The following NTRK3 variants were observed in gnomAD, a reference collection of about 807,000 sequenced individuals.
NTRK3 encodes NT-3 growth factor receptor.
In NTRK3, 24 loss-of-function variants were observed where a neutral mutation model predicts 91.7. The ratio of observed to expected loss-of-function variants is 0.26; its 90% CI spans 0.19 to 0.37. The LOEUF (loss-of-function observed/expected upper bound fraction) is 0.37, where lower values mean the gene tolerates loss of function less well. Ranked by LOEUF, NTRK3 falls within the 10% of genes least tolerant of loss-of-function variation. The pLI is 1.00. For missense variants in NTRK3, 880 were observed against 1,068.9 expected, an observed-to-expected ratio of 0.82 and a Z score of 2.46; for synonymous variants, 483 against 404.0, an observed-to-expected ratio of 1.20 and a Z score of -2.34.
intron 14 of NTRK3, among the ~76,000 whole-genome samples, chr15:87,961,544 T>C (rs2072289847): frequency 6.6e-6 from 1 of 152,252 alleles, no homozygotes; most frequent in Non-Finnish European, 1.5e-5. Flanking sequence ...GGTTTGCCGA[T>C]TGGCATACCA....
intron 14 of NTRK3, chr15:87,977,824 C>T (rs2073859961): frequency 4.3e-6 from 1 of 232,530 alleles, no homozygotes; most frequent in South Asian, 1.8e-4. Flanking sequence ...GGGATCCTGA[C>T]ACGAAGAACC....
intron 13 of NTRK3, among the ~76,000 whole-genome samples, chr15:88,056,027 T>C (rs1030453603): frequency 6.6e-6 from 1 of 151,914 alleles, no homozygotes; most frequent in East Asian, 1.9e-4. Context: ...GCATGACTTG[T>C]GGGCAAACTG....
In NTRK3 at chr15:88,029,535, T is replaced by C. The variant is rs572032503; in HGVS notation, c.1585+3322A>G. ...ATCCATCACTGGGGGGATGGGGAAA[T>C]AAGGGGTGAAGTCAGGTAGCATTAT... On this transcript the variant is annotated intron_variant, in intron 14 of 18. Coordinates refer to ENST00000394480, the Ensembl canonical transcript of NTRK3. Among the ~76,000 whole-genome samples the C allele has an allele frequency of 1.3e-4, 20 of 152,228 alleles. No homozygotes were observed. The South Asian group carries it at 3.7e-3, about 28-fold the overall frequency.
intron 14 of NTRK3, among the ~76,000 whole-genome samples, chr15:87,966,053 GGAT>G (rs2072761223): frequency 6.6e-6 from 1 of 151,450 alleles, no homozygotes; most frequent in Non-Finnish European, 1.5e-5. Flanking sequence ...ATTCCAGCCT[GGAT>G]GATAGAGCAA....
In NTRK3 at chr15:87,904,637, T is replaced by C. The variant is rs139035349; in HGVS notation, c.2134-24209A>G. ...CCCTTGCAGACTTGTGTCTAAGGCA[T>C]GGGTATTATTCTTTTAAGCTTCAGC... On this transcript the variant is annotated intron_variant, in intron 17 of 18. Coordinates refer to ENST00000394480, the Ensembl canonical transcript of NTRK3. Among the ~76,000 whole-genome samples, 1,194 of 152,312 alleles carry C rather than the reference T, an allele frequency of 7.8e-3. 26 individuals carry two copies. The highest frequency in any genetic ancestry group is 0.053 in the Admixed American group (810 of 15,308).
chr15:88,181,837 C>A (rs2046492749), intron 5 of NTRK3, among the ~76,000 whole-genome samples: 1 of 152,216 alleles, frequency 6.6e-6, no homozygotes, highest in South Asian at 2.1e-4. Context: ...TTGGAGGGGA[C>A]ACGTGACCCC....
At chr15:87,933,283 C>T in intron 15 of NTRK3, 99 bp from the exon 16 acceptor site, 1 of 1,133,708 alleles carries the variant, frequency 8.8e-7, no homozygotes, top group Admixed American at 2.1e-5. Flanking sequence ...CACTGGGTTA[C>T]CAATAAATAT....
intron 13 of NTRK3, among the ~76,000 whole-genome samples, chr15:88,093,419 T>G (rs986357527): frequency 9.9e-5 from 15 of 152,164 alleles, no homozygotes; most frequent in Non-Finnish European, 1.8e-4. Flanking sequence ...ACATTTACAG[T>G]AGACCTGCTA....
intron 6 of NTRK3, 37 bp downstream of exon 6, chr15:88,147,298 A>G: frequency 6.3e-7 from 1 of 1,586,810 alleles, no homozygotes; most frequent in Non-Finnish European, 8.7e-7. Flanking sequence ...CATTACCAGC[A>G]CTTCAGTACC....
intron 3 of NTRK3, among the ~76,000 whole-genome samples, chr15:88,205,609 A>G (rs550624952): frequency 1.1e-4 from 17 of 152,176 alleles, no homozygotes; most frequent in East Asian, 5.8e-4. Context: ...AGGTAACCCA[A>G]CTGCACACAG....
At chr15:88,089,333 T>C (rs2048797765) in intron 13 of NTRK3, among the ~76,000 whole-genome samples, 2 of 152,124 alleles carry the variant, frequency 1.3e-5, no homozygotes, top group South Asian at 4.1e-4. Context: ...ACCCAACCAT[T>C]CCATTTCTAG....
intron 13 of NTRK3, among the ~76,000 whole-genome samples, chr15:88,115,478 G>A (rs762271601): frequency 2.0e-5 from 3 of 152,198 alleles, no homozygotes; most frequent in Non-Finnish European, 4.4e-5. Flanking sequence ...GGCAGTTCCT[G>A]GAACCACCCG....
At chr15:88,170,380 G>T (rs1207192702) in intron 5 of NTRK3, among the ~76,000 whole-genome samples, 2 of 152,256 alleles carry the variant, frequency 1.3e-5, no homozygotes, top group East Asian at 3.9e-4. Context: ...AACCCAAGAG[G>T]ATAAAGTCCT....
At chr15:88,112,471 G>A (rs2051516188) in intron 13 of NTRK3, among the ~76,000 whole-genome samples, 1 of 152,190 alleles carries the variant, frequency 6.6e-6, no homozygotes, top group Non-Finnish European at 1.5e-5. Flanking sequence ...TGTGGTTGAA[G>A]GTCAGGAAGG....
Position 87,859,820 on chromosome 15 carries a change from C to A in NTRK3, c.*17115G>T, listed in dbSNP as rs142166628. ...TGTCAGGAGGATACAGGTCTACACACGATTTCATCAATCAATAAATGGAGT... is the reference window on the plus strand; with the variant it reads ...TGTCAGGAGGATACAGGTCTACACAAGATTTCATCAATCAATAAATGGAGT... On this transcript the variant is annotated 3_prime_UTR_variant, in exon 19 of 19. Coordinates refer to ENST00000394480, the Ensembl canonical transcript of NTRK3. The A allele has an allele frequency of 6.1e-4, 109 of 178,528 alleles. 1 individual carries two copies. The East Asian group carries it at 7.9e-3, about 13-fold the overall frequency. The allele number at this position is 178,528 out of a possible 1,614,324, so 11.1% of individuals were successfully genotyped here.
chr15:88,098,229 T>G (rs1217662904), intron 13 of NTRK3, among the ~76,000 whole-genome samples: 1 of 151,960 alleles, frequency 6.6e-6, no homozygotes, highest in Non-Finnish European at 1.5e-5. Flanking sequence ...ACCACGGAAG[T>G]GATATCTTTT....
In NTRK3 at chr15:88,013,940, T is replaced by C. The variant is rs142149166; in HGVS notation, c.1585+18917A>G. ...ACTTAGGCGATACAGTGAGACCCTG[T>C]CTCAATTTTTTTAAAAAAAGACTTA... On this transcript the variant is annotated intron_variant, in intron 14 of 18. Coordinates refer to ENST00000394480, the Ensembl canonical transcript of NTRK3. Among the ~76,000 whole-genome samples, 360 of 152,254 alleles carry C rather than the reference T, an allele frequency of 2.4e-3. 2 individuals carry two copies. The highest frequency in any genetic ancestry group is 8.3e-3 in the African/African-American group (345 of 41,544).
At chr15:88,108,143 C>G (rs372053096) in intron 13 of NTRK3, among the ~76,000 whole-genome samples, 44 of 152,192 alleles carry the variant, frequency 2.9e-4, no homozygotes, top group African/African-American at 1.0e-3. Flanking sequence ...ATGCCATTCT[C>G]TTAAGAAAAC....
intron 13 of NTRK3, among the ~76,000 whole-genome samples, chr15:88,123,077 G>T (rs150632452): frequency 1.3e-5 from 2 of 152,152 alleles, no homozygotes; most frequent in South Asian, 2.1e-4. Flanking sequence ...GCATGATTGC[G>T]TCTTGGATGG....
Sources: gnomAD v4.1 joint callset for allele counts (sites outside exome capture counted in the v4.1 genomes callset) on GRCh38, gnomAD v4.1.1 for gene constraint, MANE v1.5 for transcripts, NCBI Gene and HGNC (gene_info 2026-07-23, HGNC 2026-07-21) for gene names.